The following AJAP1 variants were observed in gnomAD, a reference collection of about 807,000 sequenced individuals.
AJAP1 encodes the protein adherens junctions associated protein 1, also known as adherens junction-associated protein 1.
AJAP1 carries 5 observed loss-of-function variants against 35.0 expected under a neutral mutation model. The observed-to-expected ratio is 0.14, with a 90% CI of 0.07 to 0.30. The LOEUF is 0.30. Ranked by LOEUF, AJAP1 falls within the 10% of genes least tolerant of loss-of-function variation. The pLI is 1.00. For missense variants in AJAP1, 586 were observed against 571.0 expected, an observed-to-expected ratio of 1.03 and a Z score of -0.27; for synonymous variants, 284 against 249.3, an observed-to-expected ratio of 1.14 and a Z score of -1.31.
At chr1:4,666,269 G>A (rs1465297871) in intron 1 of AJAP1, among the ~76,000 whole-genome samples, 3 of 152,176 alleles carry the variant, frequency 2.0e-5, no homozygotes, top group Non-Finnish European at 2.9e-5. Flanking sequence ...GAGGAGGGCA[G>A]GGCAGGTGTA....
Position 4,723,333 on chromosome 1 carries a change from C to T in AJAP1, c.829+10634C>T, listed in dbSNP as rs759828030. The stretch of plus-strand genomic sequence containing the variant: ...TCCTTGGATTCCTGAGTCTGCCACT[C>T]GGGGGCTGGTGCAGCCCGGAGTAGA... On this transcript the variant is annotated intron_variant, in intron 2 of 5. Coordinates refer to ENST00000378191, the MANE Select transcript of AJAP1 (RefSeq NM_018836.4). The surrounding 1 kb of genome is among the most constrained non-coding windows in gnomAD (Gnocchi z 4.3). 5.9e-5 allele frequency among the ~76,000 whole-genome samples: 9 copies of T among 152,130 alleles called. No homozygotes were observed. Among genetic ancestry groups the T allele is most frequent in the Admixed American group, 1.3e-4 (2 of 15,274 alleles).
chr1:4,773,661 C>G (rs969379215), intron 4 of AJAP1, among the ~76,000 whole-genome samples: 2 of 152,222 alleles, frequency 1.3e-5, no homozygotes, highest in Non-Finnish European at 2.9e-5. Flanking sequence ...TTTCAGCCTT[C>G]CAGAAGGCTA....
At chr1:4,778,841 G>A (rs913084862) in intron 5 of AJAP1, among the ~76,000 whole-genome samples, 1 of 152,140 alleles carries the variant, frequency 6.6e-6, no homozygotes, top group African/African-American at 2.4e-5. Flanking sequence ...TTAGGGACGG[G>A]TCTTAGCGAC....
chr1:4,745,727 G>C (rs546656603), intron 2 of AJAP1, among the ~76,000 whole-genome samples: 1 of 152,196 alleles, frequency 6.6e-6, no homozygotes, highest in African/African-American at 2.4e-5. Context: ...AGCAGGTCAC[G>C]TGGGGATGGT....
In AJAP1 at chr1:4,782,670, C is replaced by T; in HGVS notation, c.*185C>T. 1 of 398,396 alleles carries T rather than the reference C, an allele frequency of 2.5e-6. No individual in the cohort carries two copies. Among genetic ancestry groups the T allele is most frequent in the East Asian group, 3.6e-5 (1 of 28,068 alleles). 24.7% of individuals were successfully genotyped at this position (398,396 alleles called of 1,614,324 possible). A position where few individuals can be genotyped will look rare whatever the true frequency, so the allele number is the denominator to read the frequency against. On this transcript the variant is annotated 3_prime_UTR_variant, in exon 6 of 6. Transcript: ENST00000378191. This position sits in a 1 kb window ranked among gnomAD's most constrained non-coding sequence, Gnocchi z 5.3. ...CACTTCTGTTTGCCGGTGGGAAACTCACAGAGCAGGACGCTCTAGGCCAAA... is the reference window on the plus strand; with the variant it reads ...CACTTCTGTTTGCCGGTGGGAAACTTACAGAGCAGGACGCTCTAGGCCAAA...
chr1:4,681,190 C>T (rs1487042424), intron 1 of AJAP1, among the ~76,000 whole-genome samples: 2 of 152,198 alleles, frequency 1.3e-5, no homozygotes, highest in African/African-American at 4.8e-5. Flanking sequence ...TGATGAAATG[C>T]CCCACTGTTA....
rs374364376 is a variant in AJAP1 at position 4,712,182 on chromosome 1, C to T, written c.312C>T (p.Pro104=). 18 of 1,566,950 alleles carry T rather than the reference C, an allele frequency of 1.1e-5. 1 individual carries two copies. The African/African-American group carries it at 1.2e-4, about 11-fold the overall frequency. Residue 104 remains proline (P), a synonymous_variant, in exon 2 of 6, where the codon CCC becomes CCT. Transcript: ENST00000378191. ...CTCGAGCCAGACGGGCCCACAGGCC[C>T]CGGGACCAGGCGGCCGCCCTCGTGC... is the stretch of plus-strand genomic sequence containing the variant. ...QMPRARRAHR[P]RDQAAALVPK...
At chr1:4,704,586 T>C (rs1000034773) in intron 1 of AJAP1, among the ~76,000 whole-genome samples, 10 of 152,304 alleles carry the variant, frequency 6.6e-5, no homozygotes, top group Middle Eastern at 6.8e-3. Context: ...TTCCAAGTCT[T>C]TGCTATTGTG....
Position 4,712,217 on chromosome 1 carries a change from G to A in AJAP1, c.347G>A (p.Gly116Glu), listed in dbSNP as rs763392397. Residue 116 changes from glycine (G) to glutamate (E), a missense_variant, in exon 2 of 6, where the codon GGA becomes GAA. Gly to Glu is a moderately conservative substitution (Grantham distance 98, BLOSUM62 -2). Coordinates refer to ENST00000378191, the MANE Select transcript of AJAP1 (RefSeq NM_018836.4). ...DQAAALVPKA[G>E]LAKPPAAAKS... ...GCGGCCGCCCTCGTGCCCAAGGCAG[G>A]ACTGGCCAAGCCCCCAGCTGCTGCC... is the stretch of plus-strand genomic sequence containing the variant. 6.4e-7 allele frequency: 1 copy of A among 1,554,050 alleles called. No individual in the cohort carries two copies. The highest frequency in any genetic ancestry group is 8.6e-7 in the Non-Finnish European group (1 of 1,158,860).
At chr1:4,740,253 A>G (rs750478825) in intron 2 of AJAP1, among the ~76,000 whole-genome samples, 2 of 138,416 alleles carry the variant, frequency 1.4e-5, no homozygotes, top group East Asian at 4.4e-4. Flanking sequence ...AAGCGAAATA[A>G]ACCGGCCACA....
chr1:4,687,496 C>T (rs764946633), intron 1 of AJAP1, among the ~76,000 whole-genome samples: 32 of 152,304 alleles, frequency 2.1e-4, no homozygotes, highest in Non-Finnish European at 3.1e-4. Flanking sequence ...AAGACCCCTG[C>T]GGTCCATGGG....
chr1:4,724,478 G>A (rs1640603099), intron 2 of AJAP1, among the ~76,000 whole-genome samples: 1 of 152,072 alleles, frequency 6.6e-6, no homozygotes, highest in Non-Finnish European at 1.5e-5. Flanking sequence ...TGTCTCCATC[G>A]ACTGGCATTT....
intron 1 of AJAP1, among the ~76,000 whole-genome samples, chr1:4,659,994 A>G (rs1427971488): frequency 6.6e-6 from 1 of 152,238 alleles, no homozygotes; most frequent in Non-Finnish European, 1.5e-5. Flanking sequence ...AGGTATAAAT[A>G]CAACTGCAAA....
chr1:4,660,716 A>G lies in AJAP1; in HGVS notation c.29+5262A>G, dbSNP rs533003452. On this transcript the variant is annotated intron_variant, in intron 1 of 5. Transcript: ENST00000378191. Reference sequence around the variant, plus strand: ...GTCAAAGGTGATGTGGAAATGGGGAAAGGGGTAAAAAAATTGTTTTACAAA... The same window carrying G: ...GTCAAAGGTGATGTGGAAATGGGGAGAGGGGTAAAAAAATTGTTTTACAAA... Among the ~76,000 whole-genome samples the G allele has an allele frequency of 2.6e-5, 4 of 151,860 alleles. No homozygotes were observed. The South Asian group carries it at 8.3e-4, about 32-fold the overall frequency.
chr1:4,744,877 C>T (rs573669739), intron 2 of AJAP1, among the ~76,000 whole-genome samples: 1 of 152,234 alleles, frequency 6.6e-6, no homozygotes, highest in Non-Finnish European at 1.5e-5. Context: ...AAGCAGAGGA[C>T]ACACACCCAC....
intron 1 of AJAP1, among the ~76,000 whole-genome samples, chr1:4,707,099 T>C (rs1640117405): frequency 6.6e-6 from 1 of 152,134 alleles, no homozygotes; most frequent in African/African-American, 2.4e-5. Context: ...CAGTGAGGAC[T>C]GGGTGGATGA....
At chr1:4,687,288 C>A (rs748841104) in intron 1 of AJAP1, among the ~76,000 whole-genome samples, 1 of 152,196 alleles carries the variant, frequency 6.6e-6, no homozygotes, top group Non-Finnish European at 1.5e-5. Context: ...TCTGGGAAGC[C>A]GTGGATGGGT....
chr1:4,666,424 C>T (rs1280163080), intron 1 of AJAP1, among the ~76,000 whole-genome samples: 2 of 152,196 alleles, frequency 1.3e-5, no homozygotes, highest in Non-Finnish European at 2.9e-5. Flanking sequence ...AAGTGTCATG[C>T]TCTCTGCCCG....
chr1:4,755,029 T>A lies in AJAP1; in HGVS notation c.830-14824T>A, dbSNP rs571275947. ...GTGTCTCTGCCTTGGAGCCAGGTGG[T>A]ATGAGCACAGGGATTCTCACCATGT... On this transcript the variant is annotated intron_variant, in intron 2 of 5. Coordinates refer to ENST00000378191, the MANE Select transcript of AJAP1 (RefSeq NM_018836.4). Among the ~76,000 whole-genome samples the A allele has an allele frequency of 5.3e-5, 8 of 152,102 alleles. No homozygotes were observed. In the East Asian group the frequency reaches 1.4e-3, roughly 26 times the overall value.
Sources: allele counts gnomAD v4.1 joint callset (sites outside exome capture counted in the v4.1 genomes callset), GRCh38; gene constraint gnomAD v4.1.1; non-coding constraint Gnocchi (gnomAD v3.1); transcripts MANE v1.5; gene names NCBI Gene and HGNC (gene_info 2026-07-23, HGNC 2026-07-21).